The following TMEM17 variants were observed in gnomAD, a reference collection of about 807,000 sequenced individuals.
TMEM17 encodes the protein transmembrane protein 17.
In TMEM17, 15 loss-of-function variants were observed where a neutral mutation model predicts 19.1. The ratio of observed to expected loss-of-function variants is 0.78; its 90% CI spans 0.52 to 1.21. TMEM17 has a LOEUF of 1.21. Among genes scored for constraint, TMEM17 ranks in the 50% most tolerant of loss-of-function variants. The probability of loss-of-function intolerance (pLI) is 0.00; values close to 1 mark genes in which losing one functional copy is unlikely to be tolerated. For missense variants in TMEM17, 245 were observed against 242.3 expected, an observed-to-expected ratio of 1.01 and a Z score of -0.07; for synonymous variants, 103 against 86.9, an observed-to-expected ratio of 1.19 and a Z score of -1.03.
the TMEM17 span, among the ~76,000 whole-genome samples, chr2:62,462,464 G>T: frequency 6.6e-6 from 1 of 152,290 alleles, no homozygotes; most frequent in South Asian, 2.1e-4. Context: ...AGGGAAGACA[G>T]ATGAGAAGAA....
At chr2:62,453,730 T>C in the TMEM17 span, among the ~76,000 whole-genome samples, 5 of 152,248 alleles carry the variant, frequency 3.3e-5, no homozygotes, top group East Asian at 7.7e-4. Flanking sequence ...TCCTCTGTTT[T>C]AGGCCTACAC....
chr2:62,466,336 G>A, the TMEM17 span, among the ~76,000 whole-genome samples: 5 of 152,160 alleles, frequency 3.3e-5, no homozygotes, highest in East Asian at 1.9e-4. Context: ...CATCCTTGGT[G>A]GAAATCCAAG....
Position 62,502,557 on chromosome 2 carries a change from G to C in TMEM17, c.205-7C>G. ...AGTCAGGTAAGATTGAATACTAAAA[G>C]AAAAGCCAAAACATGTTTGTAAAAT... On this transcript the variant is annotated splice_polypyrimidine_tract_variant and splice_region_variant and intron_variant, in intron 2 of 3. Transcript: ENST00000335390. 1 of 1,560,826 alleles carries C rather than the reference G, an allele frequency of 6.4e-7. No homozygotes were observed. Among genetic ancestry groups the C allele is most frequent in the Non-Finnish European group, 8.7e-7 (1 of 1,143,044 alleles).
chr2:62,460,223 G>A, the TMEM17 span, among the ~76,000 whole-genome samples: 1 of 152,176 alleles, frequency 6.6e-6, no homozygotes, highest in South Asian at 2.1e-4. Flanking sequence ...CAAACCAATG[G>A]GTAGGAATGA....
chr2:62,495,239 C>T (rs567796226), downstream of TMEM17, among the ~76,000 whole-genome samples: 2 of 152,162 alleles, frequency 1.3e-5, no homozygotes, highest in South Asian at 2.1e-4. Flanking sequence ...TGCTGTCCTA[C>T]GATTTGTATC....
At chr2:62,456,297 C>G in the TMEM17 span, among the ~76,000 whole-genome samples, 1 of 152,236 alleles carries the variant, frequency 6.6e-6, no homozygotes, top group Non-Finnish European at 1.5e-5. Flanking sequence ...TGCAGGGGCT[C>G]TACATTTCCT....
chr2:62,476,506 T>C, the TMEM17 span, among the ~76,000 whole-genome samples: 4 of 152,264 alleles, frequency 2.6e-5, no homozygotes, highest in Admixed American at 6.5e-5. Context: ...GATAAACCCA[T>C]TGTAAGTAAA....
chr2:62,502,591 T>C, intron 2 of TMEM17, 41 bp from the exon 3 acceptor site: 10 of 1,478,404 alleles, frequency 6.8e-6, no homozygotes, highest in Non-Finnish European at 9.2e-6. Flanking sequence ...ATCTCATGTA[T>C]AGTAACATTG....
chr2:62,502,781 G>T lies in TMEM17; in HGVS notation c.114C>A (p.Val38=). Residue 38 remains valine, a synonymous_variant, in exon 2 of 4, where the codon GTC becomes GTA. Transcript: ENST00000335390. The stretch of plus-strand genomic sequence containing the variant: ...GTGACATCTGCAGTGCCAAACTGGA[G>T]ACCATTTCATTTTCTACAGAAGGAA... ...ESNEGPENEM[V]SSLALQMSLY... 6.2e-7 allele frequency: 1 copy of T among 1,600,960 alleles called. No homozygotes were observed. Among genetic ancestry groups the T allele is most frequent in the South Asian group, 1.1e-5 (1 of 88,246 alleles).
Position 62,502,812 on chromosome 2 carries a change from A to C in TMEM17, c.101-18T>G. Reference sequence around the variant, plus strand: ...TTCATTTTCTACAGAAGGAACAGAAAAGGAACAAATGATGAATCTTGGGTT... The same window carrying C: ...TTCATTTTCTACAGAAGGAACAGAACAGGAACAAATGATGAATCTTGGGTT... On this transcript the variant is annotated intron_variant, in intron 1 of 3. Coordinates refer to ENST00000335390, the MANE Select transcript of TMEM17 (RefSeq NM_198276.3). 6.6e-7 allele frequency: 1 copy of C among 1,504,556 alleles called. No homozygotes were observed. Among genetic ancestry groups the C allele is most frequent in the Non-Finnish European group, 9.1e-7 (1 of 1,096,746 alleles). 93.2% of individuals were successfully genotyped at this position (1,504,556 alleles called of 1,614,324 possible). A position where few individuals can be genotyped will look rare whatever the true frequency, so the allele number is the denominator to read the frequency against.
the TMEM17 span, among the ~76,000 whole-genome samples, chr2:62,469,218 A>G: frequency 2.8e-3 from 422 of 152,352 alleles, 1 homozygote; most frequent in African/African-American, 9.3e-3. Context: ...GTTCAGGCCA[A>G]ATAGAACTGG....
chr2:62,490,810 C>T, the TMEM17 span, among the ~76,000 whole-genome samples: 7 of 152,090 alleles, frequency 4.6e-5, no homozygotes. Context: ...GGCGTGGTGG[C>T]TCACGCCTGT....
the TMEM17 span, among the ~76,000 whole-genome samples, chr2:62,482,519 C>T: frequency 1.3e-5 from 2 of 152,176 alleles, no homozygotes; most frequent in Non-Finnish European, 2.9e-5. Flanking sequence ...ATTATTCAGT[C>T]TACCCTTAGT....
the TMEM17 span, among the ~76,000 whole-genome samples, chr2:62,472,531 A>G: frequency 6.6e-6 from 1 of 152,340 alleles, no homozygotes; most frequent in Non-Finnish European, 1.5e-5. Flanking sequence ...GAGTGGACAG[A>G]GGCTAGTCTG....
chr2:62,501,550 A>C, intron 3 of TMEM17, 63 bp from the exon 4 acceptor site: 1 of 1,493,042 alleles, frequency 6.7e-7, no homozygotes, highest in Non-Finnish European at 9.0e-7. Context: ...TTATACAGAT[A>C]AACAAGTACT....
At chr2:62,494,841 A>AACAC in the TMEM17 span, among the ~76,000 whole-genome samples, 1 of 151,598 alleles carries the variant, frequency 6.6e-6, no homozygotes, top group African/African-American at 2.4e-5. Context: ...GTCTCTACTA[A>AACAC]ACACACACAC....
downstream of TMEM17, among the ~76,000 whole-genome samples, chr2:62,499,767 T>C (rs557971039): frequency 2.0e-5 from 3 of 152,204 alleles, no homozygotes; most frequent in African/African-American, 4.8e-5. Flanking sequence ...AAATACATTA[T>C]GAAGGCCCAT....
chr2:62,454,755 G>A, the TMEM17 span, among the ~76,000 whole-genome samples: 2 of 152,160 alleles, frequency 1.3e-5, no homozygotes, highest in Non-Finnish European at 2.9e-5. Flanking sequence ...CCAGGCTGGA[G>A]TGCAGTGGCA....
intron 2 of TMEM17, 37 bp from the exon 3 acceptor site, chr2:62,502,587 T>G (rs373755898): frequency 6.7e-7 from 1 of 1,492,586 alleles, no homozygotes; most frequent in Admixed American, 2.0e-5. Flanking sequence ...TAAAATCTCA[T>G]GTATAGTAAC....
Sources: allele counts gnomAD v4.1 joint callset (sites outside exome capture counted in the v4.1 genomes callset), GRCh38; gene constraint gnomAD v4.1.1; transcripts MANE v1.5; gene names NCBI Gene and HGNC (gene_info 2026-07-23, HGNC 2026-07-21).